Variants in PRR5L observed in about 807,000 individuals in gnomAD.
The protein encoded by PRR5L is proline rich 5 like.
PRR5L carries 21 observed loss-of-function variants against 36.4 expected under a neutral mutation model. The ratio of observed to expected loss-of-function variants is 0.58; its 90% confidence interval spans 0.41 to 0.83. PRR5L has a LOEUF of 0.83. Ranked by LOEUF, PRR5L falls within the 40% of genes least tolerant of loss-of-function variation. The pLI is 0.00. For synonymous variants in PRR5L, 188 were observed against 197.0 expected, an observed-to-expected ratio of 0.95 and a Z score of 0.38; for missense variants, 381 against 473.3, an observed-to-expected ratio of 0.80 and a Z score of 1.81.
At chr11:36,365,507 A>AT (rs200254710) in intron 1 of PRR5L, among the ~76,000 whole-genome samples, 1,695 of 151,806 alleles carry the variant, frequency 0.011, 42 homozygotes, top group African/African-American at 0.039. Context: ...AAACTATTGA[A>AT]TTTTTTTTTC....
chr11:36,308,949 C>A (rs567331481), intron 1 of PRR5L, among the ~76,000 whole-genome samples: 60 of 152,312 alleles, frequency 3.9e-4, no homozygotes, highest in Non-Finnish European at 6.5e-4. Flanking sequence ...AGTCAACCTG[C>A]AGATCTGTAA....
At chr11:36,332,476 AT>A (rs1185787881) in intron 1 of PRR5L, among the ~76,000 whole-genome samples, 1 of 152,052 alleles carries the variant, frequency 6.6e-6, no homozygotes, top group African/African-American at 2.4e-5. Context: ...AACCTGAGTG[AT>A]TTTCTTAACC....
intron 1 of PRR5L, among the ~76,000 whole-genome samples, chr11:36,302,806 TA>T (rs949412870): frequency 6.6e-6 from 1 of 151,554 alleles, no homozygotes; most frequent in African/African-American, 2.4e-5. Context: ...AAAATAAAAA[TA>T]AAAAAGAAAG....
intron 3 of PRR5L, among the ~76,000 whole-genome samples, chr11:36,412,780 T>C (rs1858053085): frequency 6.6e-6 from 1 of 152,184 alleles, no homozygotes; most frequent in Non-Finnish European, 1.5e-5. Flanking sequence ...TCCTGTGCCC[T>C]ATAAGAGAGT....
chr11:36,423,417 A>G (rs1858314173), intron 4 of PRR5L, among the ~76,000 whole-genome samples: 3 of 152,230 alleles, frequency 2.0e-5, no homozygotes, highest in Admixed American at 2.0e-4. Flanking sequence ...AGTTTAAATC[A>G]GGCCCAGAAA....
At chr11:36,361,169 A>T (rs1166120660) in intron 1 of PRR5L, among the ~76,000 whole-genome samples, 2 of 152,140 alleles carry the variant, frequency 1.3e-5, no homozygotes, top group East Asian at 3.9e-4. Flanking sequence ...TGCCTTTTCT[A>T]CTCTGATTTT....
Position 36,403,304 on chromosome 11 carries a change from G to C in PRR5L, c.171G>C (p.Gln57His), listed in dbSNP as rs774868491. ...TTATTCTCTTTTCCTGTAGCGTTCA[G>C]ACTGCTGTGATCAACGTTTTCAAAG... Reference protein sequence around the residue: ...LSSSSAWNSVQTAVINVFKGG... With the variant: ...LSSSSAWNSVHTAVINVFKGG... The change falls in exon 3 of 9, where the codon CAG becomes CAC. Residue 57 changes from glutamine to histidine, a missense_variant. Transcript: ENST00000530639. The C allele has an allele frequency of 6.2e-7, 1 of 1,613,924 alleles. No homozygotes were observed. Among genetic ancestry groups the C allele is most frequent in the African/African-American group, 1.3e-5 (1 of 74,908 alleles).
chr11:36,324,488 G>C (rs7931590), intron 1 of PRR5L, among the ~76,000 whole-genome samples: 1 of 151,948 alleles, frequency 6.6e-6, no homozygotes, highest in African/African-American at 2.4e-5. Context: ...TACATATGTA[G>C]AAAAACCACT....
At chr11:36,436,744 C>T (rs1011112489) in intron 5 of PRR5L, among the ~76,000 whole-genome samples, 4 of 152,222 alleles carry the variant, frequency 2.6e-5, no homozygotes, top group Admixed American at 2.0e-4. Context: ...TCTGGAATCA[C>T]AGCTCTGCCT....
intron 8 of PRR5L, among the ~76,000 whole-genome samples, chr11:36,458,278 C>T (rs906167549): frequency 2.8e-4 from 42 of 152,148 alleles, no homozygotes; most frequent in African/African-American, 9.2e-4. Context: ...GACACAGCAG[C>T]GTGTAGTGGG....
At chr11:36,303,634 C>T (rs1856400101) in intron 1 of PRR5L, among the ~76,000 whole-genome samples, 1 of 152,166 alleles carries the variant, frequency 6.6e-6, no homozygotes, top group African/African-American at 2.4e-5. Context: ...AGCTCCTGGT[C>T]CCTTCCCTAA....
intron 7 of PRR5L, 129 bp downstream of exon 7, chr11:36,446,569 G>A: frequency 1.9e-6 from 2 of 1,078,890 alleles, no homozygotes. Flanking sequence ...TATTTAGTTT[G>A]TTGGCCCGTG....
intron 1 of PRR5L, among the ~76,000 whole-genome samples, chr11:36,381,068 C>T (rs1228090610): frequency 6.6e-6 from 1 of 152,202 alleles, no homozygotes; most frequent in Non-Finnish European, 1.5e-5. Context: ...GTGTATTAAA[C>T]TTGCAAAGCT....
At position 36,462,786 on chromosome 11, in the gene PRR5L, A is replaced by G. The variant is rs1322225172; in HGVS notation, c.*50A>G. 8 of 1,485,840 alleles carry G rather than the reference A, an allele frequency of 5.4e-6. No individual in the cohort carries two copies. Among genetic ancestry groups the G allele is most frequent in the Non-Finnish European group, 7.2e-6 (8 of 1,113,452 alleles). 92.0% of individuals were successfully genotyped at this position (1,485,840 alleles called of 1,614,324 possible). A position where few individuals can be genotyped will look rare whatever the true frequency, so the allele number is the denominator to read the frequency against. ...CTCCTGTTTTGCAACCAGGATGAGG[A>G]CCCCTCCATCTCCGTGGATTACTGA... On this transcript the variant is annotated 3_prime_UTR_variant, in exon 9 of 9. Transcript: ENST00000530639.
At chr11:36,346,009 G>A (rs1040243701) in intron 1 of PRR5L, among the ~76,000 whole-genome samples, 1 of 152,196 alleles carries the variant, frequency 6.6e-6, no homozygotes, top group African/African-American at 2.4e-5. Flanking sequence ...TATTTCTCTT[G>A]AGAGCCCCTT....
At chr11:36,326,427 C>A (rs72950009) in intron 1 of PRR5L, among the ~76,000 whole-genome samples, 2 of 125,780 alleles carry the variant, frequency 1.6e-5, no homozygotes, top group African/African-American at 8.4e-5. Context: ...AATACACATT[C>A]AATTTTCCCA....
At chr11:36,397,330 C>G (rs1857683733) in intron 1 of PRR5L, among the ~76,000 whole-genome samples, 1 of 151,038 alleles carries the variant, frequency 6.6e-6, no homozygotes, top group Non-Finnish European at 1.5e-5. Context: ...TCCCAAAGTG[C>G]TGGGACTACA....
intron 1 of PRR5L, among the ~76,000 whole-genome samples, chr11:36,360,393 C>G (rs1436751616): frequency 6.6e-6 from 1 of 152,162 alleles, no homozygotes; most frequent in African/African-American, 2.4e-5. Context: ...CTTAGAGTGC[C>G]TACTATGTAT....
Position 36,302,023 on chromosome 11 carries a change from C to T in PRR5L, c.-126+5585C>T, listed in dbSNP as rs184126818. 3.9e-4 allele frequency among the ~76,000 whole-genome samples: 60 copies of T among 152,190 alleles called. 1 individual carries two copies. The East Asian group carries it at 9.3e-3, about 24-fold the overall frequency. On this transcript the variant is annotated intron_variant, in intron 1 of 8. Coordinates refer to ENST00000530639, the MANE Select transcript of PRR5L (RefSeq NM_001160167.2). ...AAGAGAATGTGCAAATATGGCAAAA[C>T]GTTACCAATTGTTGGGAGTATATGG...
Sources: gnomAD v4.1 joint callset for allele counts (sites outside exome capture counted in the v4.1 genomes callset) on GRCh38, gnomAD v4.1.1 for gene constraint, MANE v1.5 for transcripts, NCBI Gene and HGNC (gene_info 2026-07-23, HGNC 2026-07-21) for gene names.